MSRB3: variants seen among roughly 807,000 people sequenced by gnomAD.
MSRB3 encodes the protein methionine-R-sulfoxide reductase B3.
A neutral mutation model predicts 21.0 loss-of-function variants in MSRB3; 13 were observed. The observed-to-expected ratio is 0.62, with a 90% CI of 0.40 to 0.98. The LOEUF (loss-of-function observed/expected upper bound fraction) is 0.98, where lower values mean the gene tolerates loss of function less well. Ranked by LOEUF, MSRB3 falls within the 50% of genes least tolerant of loss-of-function variation. The pLI is 0.00. For synonymous variants in MSRB3, 87 were observed against 88.6 expected (o/e 0.98, Z 0.10); for missense variants, 199 against 230.3 (o/e 0.86, Z 0.88).
rs1032018263 is a variant in MSRB3, at chr12:65,464,675, G to A, written c.*1353G>A. ...AAGGCAGCAGGAATGAGAGAGAGCA[G>A]AGAAGATCAAGGATGAAGTCTTGGG... On this transcript the variant is annotated 3_prime_UTR_variant, in exon 7 of 7. Coordinates refer to ENST00000308259, the MANE Select transcript of MSRB3 (RefSeq NM_001031679.3). 6.6e-6 allele frequency: 1 copy of A among 152,284 alleles called. No individual in the cohort carries two copies. Among genetic ancestry groups the A allele is most frequent in the Non-Finnish European group, 1.5e-5 (1 of 68,128 alleles). 9.4% of individuals were successfully genotyped at this position (152,284 alleles called of 1,614,324 possible).
chr12:65,341,486 T>C (rs1876138095), intron 4 of MSRB3, among the ~76,000 whole-genome samples: 1 of 151,062 alleles, frequency 6.6e-6, no homozygotes, highest in East Asian at 2.0e-4. Flanking sequence ...AAAAACTAAA[T>C]GAGACCTAGA....
intron 4 of MSRB3, among the ~76,000 whole-genome samples, chr12:65,347,694 C>T (rs1876614550): frequency 1.3e-5 from 2 of 152,276 alleles, no homozygotes; most frequent in Non-Finnish European, 2.9e-5. Context: ...CCAGTTTTTG[C>T]CCATTCAGTA....
intron 4 of MSRB3, among the ~76,000 whole-genome samples, chr12:65,362,457 A>G (rs149560964): frequency 7.7e-4 from 117 of 152,250 alleles, no homozygotes; most frequent in African/African-American, 2.4e-3. Flanking sequence ...GCTTAGTCCA[A>G]TCGTGATTCA....
At chr12:65,456,247 A>G (rs185732150) in intron 6 of MSRB3, among the ~76,000 whole-genome samples, 1 of 152,198 alleles carries the variant, frequency 6.6e-6, no homozygotes, top group Non-Finnish European at 1.5e-5. Context: ...TTTCACTCAG[A>G]ACCCATTTTC....
intron 5 of MSRB3, chr12:65,419,850 C>G: frequency 1.4e-6 from 1 of 709,172 alleles, no homozygotes; most frequent in Non-Finnish European, 2.6e-6. Context: ...GGACCCCAAG[C>G]AGCCCCGGAA....
At chr12:65,403,965 C>T (rs1041727705) in intron 5 of MSRB3, among the ~76,000 whole-genome samples, 2 of 152,180 alleles carry the variant, frequency 1.3e-5, no homozygotes, top group Non-Finnish European at 2.9e-5. Context: ...GTGAGATGAG[C>T]CAGGTACCTC....
chr12:65,409,750 G>T (rs1880618842), intron 5 of MSRB3, among the ~76,000 whole-genome samples: 1 of 152,030 alleles, frequency 6.6e-6, no homozygotes. Flanking sequence ...GAGTTATCTA[G>T]ATTTATTATA....
chr12:65,464,575 C>T lies in MSRB3; in HGVS notation c.*1253C>T, dbSNP rs2136726286. ...CTTTTTATAAGTCCTTCTCTCCACA[C>T]CTAAAAGCAGCTGCAGCTGGAAGGG... On this transcript the variant is annotated 3_prime_UTR_variant, in exon 7 of 7. Coordinates refer to ENST00000308259, the MANE Select transcript of MSRB3 (RefSeq NM_001031679.3). The T allele has an allele frequency of 6.6e-6, 1 of 152,340 alleles. No individual in the cohort carries two copies. Among genetic ancestry groups the T allele is most frequent in the South Asian group, 2.1e-4 (1 of 4,826 alleles). 9.4% of individuals were successfully genotyped at this position (152,340 alleles called of 1,614,324 possible).
rs376202605 is a variant in MSRB3, at chr12:65,326,897, C to T, written c.148C>T (p.Leu50=). ...GGAACTGAGGAAGCGGCTAACACCCCTGCAGTACCATGTCACTCAGGAGAA... is the reference window on the plus strand; with the variant it reads ...GGAACTGAGGAAGCGGCTAACACCCTTGCAGTACCATGTCACTCAGGAGAA... ...QQELRKRLTP[L]QYHVTQEKGT... Residue 50 remains leucine, a synonymous_variant, in exon 3 of 7, where the codon CTG becomes TTG. Transcript: ENST00000308259. The T allele has an allele frequency of 1.7e-5, 28 of 1,613,922 alleles. No individual in the cohort carries two copies. Among genetic ancestry groups the T allele is most frequent in the Middle Eastern group, 3.3e-4 (2 of 6,062 alleles).
intron 1 of MSRB3, among the ~76,000 whole-genome samples, chr12:65,279,798 G>A (rs1871904573): frequency 6.6e-6 from 1 of 152,194 alleles, no homozygotes; most frequent in Non-Finnish European, 1.5e-5. Context: ...AGGGATAAAG[G>A]TAAATGTGAA....
chr12:65,318,906 A>G lies in MSRB3; in HGVS notation c.77-7920A>G, dbSNP rs185225863. The stretch of plus-strand genomic sequence containing the variant: ...ACATGAATTCAACAATTAAAAATTT[A>G]TAACACAAATGAAAGATAGAAAAGT... On this transcript the variant is annotated intron_variant, in intron 2 of 6. Transcript: ENST00000308259. 2.0e-5 allele frequency among the ~76,000 whole-genome samples: 3 copies of G among 152,312 alleles called. No homozygotes were observed. The East Asian group carries it at 5.8e-4, about 29-fold the overall frequency.
rs557730503 is a variant in MSRB3, at chr12:65,438,821, G to GCA, written c.293-14894_293-14893dup. 4.5e-3 allele frequency among the ~76,000 whole-genome samples: 678 copies of GCA among 151,336 alleles called. 4 individuals are homozygous for GCA. The highest frequency in any genetic ancestry group is 0.015 in the African/African-American group (629 of 41,318). On this transcript the variant is annotated intron_variant, in intron 5 of 6. Transcript: ENST00000308259. Reference sequence around the variant, plus strand: ...ACAGCAGATAATTCTTTGTTTGTGAGCACACACACACACAAAGGAAAATCC... The same window carrying GCA: ...ACAGCAGATAATTCTTTGTTTGTGAGCACACACACACACACAAAGGAAAATCC...
intron 5 of MSRB3, among the ~76,000 whole-genome samples, chr12:65,372,901 T>C (rs1228604230): frequency 6.6e-6 from 1 of 152,206 alleles, no homozygotes; most frequent in Non-Finnish European, 1.5e-5. Flanking sequence ...AGGATTGAAG[T>C]ATAAACTTTG....
At chr12:65,337,061 G>T (rs1188976571) in intron 4 of MSRB3, among the ~76,000 whole-genome samples, 2 of 152,256 alleles carry the variant, frequency 1.3e-5, no homozygotes, top group East Asian at 3.9e-4. Flanking sequence ...GGCCAACATG[G>T]TGAAACCTCA....
chr12:65,335,809 T>C (rs939207828), intron 4 of MSRB3, among the ~76,000 whole-genome samples: 3 of 152,238 alleles, frequency 2.0e-5, no homozygotes, highest in Non-Finnish European at 4.4e-5. Flanking sequence ...TGTGGAACTC[T>C]AGCTGGAAAT....
intron 2 of MSRB3, among the ~76,000 whole-genome samples, chr12:65,321,807 A>G (rs1047799795): frequency 2.0e-5 from 3 of 152,210 alleles, no homozygotes; most frequent in Admixed American, 1.3e-4. Flanking sequence ...CAAACTAATA[A>G]CCAACCAAAT....
At chr12:65,280,771 G>A (rs1022776807) in intron 1 of MSRB3, among the ~76,000 whole-genome samples, 1 of 152,126 alleles carries the variant, frequency 6.6e-6, no homozygotes. Flanking sequence ...TCAACACACT[G>A]CTTTTTGTTT....
In MSRB3 at chr12:65,307,441, T is replaced by G. The variant is rs183288464; in HGVS notation, c.-51-1088T>G. 2.6e-5 allele frequency among the ~76,000 whole-genome samples: 4 copies of G among 152,068 alleles called. No homozygotes were observed. In the East Asian group the frequency reaches 7.7e-4, roughly 29 times the overall value. On this transcript the variant is annotated intron_variant, in intron 1 of 6. Transcript: ENST00000308259. The stretch of plus-strand genomic sequence containing the variant: ...TTGTTCTTCAAGGAGGTCAGAAGAG[T>G]CCGGAACAGACTTTTTTTGGGGCGG...
chr12:65,286,607 T>C (rs1012141141), intron 1 of MSRB3: 6 of 152,004 alleles, frequency 3.9e-5, no homozygotes, highest in African/African-American at 1.2e-4. Flanking sequence ...CAAATCCTTA[T>C]GGTTTCTTGG....
Sources: gnomAD v4.1 joint callset for allele counts (sites outside exome capture counted in the v4.1 genomes callset) on GRCh38, gnomAD v4.1.1 for gene constraint, MANE v1.5 for transcripts, NCBI Gene and HGNC (gene_info 2026-07-23, HGNC 2026-07-21) for gene names.